Variants in NAE1 observed in about 807,000 individuals in gnomAD.
NAE1 encodes NEDD8-activating enzyme E1 regulatory subunit.
In NAE1, 59 loss-of-function variants were observed where a neutral mutation model predicts 88.0. The ratio of observed to expected loss-of-function variants is 0.67; its 90% confidence interval spans 0.54 to 0.83. NAE1 has a LOEUF of 0.83. Ranked by LOEUF, NAE1 falls within the 40% of genes least tolerant of loss-of-function variation. The probability of loss-of-function intolerance (pLI) is 0.00; values close to 1 mark genes in which losing one functional copy is unlikely to be tolerated. For synonymous variants in NAE1, 186 were observed against 208.9 expected, an observed-to-expected ratio of 0.89 and a Z score of 0.95; for missense variants, 554 against 632.8, an observed-to-expected ratio of 0.88 and a Z score of 1.34.
In NAE1 at chr16:66,823,316, A is replaced by G. The variant is rs1960341571; in HGVS notation, c.322-10T>C. 1 of 1,575,838 alleles carries G rather than the reference A, an allele frequency of 6.3e-7. No homozygotes were observed. Among genetic ancestry groups the G allele is most frequent in the Admixed American group, 1.9e-5 (1 of 51,328 alleles). On this transcript the variant is annotated splice_polypyrimidine_tract_variant and intron_variant, in intron 5 of 19. Transcript: ENST00000290810. Reference sequence around the variant, plus strand: ...GAAGGTTTTCTGGACTCTAAACAGGACAGCAAAGAAAAAAACAAACAAAAA... The same window carrying G: ...GAAGGTTTTCTGGACTCTAAACAGGGCAGCAAAGAAAAAAACAAACAAAAA...
intron 3 of NAE1, 22 bp from the exon 4 acceptor site, chr16:66,824,907 A>G: frequency 5.1e-6 from 8 of 1,583,658 alleles, no homozygotes; most frequent in Non-Finnish European, 6.9e-6. Flanking sequence ...AGAATAAAGG[A>G]AAAAAAAGTA....
At chr16:66,818,693 G>C in intron 7 of NAE1, 56 bp from the exon 8 acceptor site, 1 of 1,527,442 alleles carries the variant, frequency 6.5e-7, no homozygotes, top group Non-Finnish European at 8.7e-7. Context: ...AAAAAAGAGA[G>C]AGATGGGGTC....
chr16:66,827,901 G>T (rs971048640), intron 1 of NAE1: 4 of 1,254,348 alleles, frequency 3.2e-6, no homozygotes, highest in Non-Finnish European at 4.6e-6. Context: ...ATCCAGACTG[G>T]TCTTGAACTC....
At chr16:66,828,119 C>T (rs1960537546) in intron 1 of NAE1, 1 of 1,449,044 alleles carries the variant, frequency 6.9e-7, no homozygotes. Context: ...TTTTCTCCAT[C>T]AAAGTATGGC....
In NAE1 at chr16:66,823,216, T is replaced by C; in HGVS notation, c.401+11A>G. 1 of 1,511,604 alleles carries C rather than the reference T, an allele frequency of 6.6e-7. No homozygotes were observed. Among genetic ancestry groups the C allele is most frequent in the Non-Finnish European group, 9.0e-7 (1 of 1,110,616 alleles). 93.6% of individuals were successfully genotyped at this position (1,511,604 alleles called of 1,614,324 possible). A position where few individuals can be genotyped will look rare whatever the true frequency, so the allele number is the denominator to read the frequency against. On this transcript the variant is annotated intron_variant, in intron 6 of 19. Transcript: ENST00000290810. ...AGATTAAAATAAAAACATATTAACA[T>C]AAAAATTTACCTTTCAGGAAGCTGA...
chr16:66,816,878 A>G lies in NAE1; in HGVS notation c.748+87T>C, dbSNP rs906961797. ...AAGCTCATGATGCTATCATCTGACA[A>G]AGGTGTTAACAGAAATCCAATAAGT... On this transcript the variant is annotated intron_variant, in intron 10 of 19. Coordinates refer to ENST00000290810, the MANE Select transcript of NAE1 (RefSeq NM_003905.4). 2.6e-6 allele frequency: 4 copies of G among 1,532,584 alleles called. No individual in the cohort carries two copies. The African/African-American group carries it at 5.6e-5, about 21-fold the overall frequency. The allele number at this position is 1,532,584 out of a possible 1,614,324, so 94.9% of individuals were successfully genotyped here.
intron 7 of NAE1, among the ~76,000 whole-genome samples, 158 bp downstream of exon 7, chr16:66,821,292 T>C (rs901992785): frequency 4.6e-5 from 7 of 152,230 alleles, no homozygotes; most frequent in Non-Finnish European, 8.8e-5. Context: ...AAAGAGTAGA[T>C]TGCAGCCTAT....
Position 66,823,582 on chromosome 16 carries a change from T to G in NAE1, c.268A>C (p.Met90Leu). The stretch of plus-strand genomic sequence containing the variant: ...CTATTTAATTCTTGTAAGAATTCCA[T>G]GGCAGCTTCAGCTCGGTTCTTTTTA... ...SIGKNRAEAA[M>L]EFLQELNSDV... The change falls in exon 5 of 20, where the codon ATG (methionine) becomes CTG (leucine). Residue 90 changes from methionine (M) to leucine (L), a missense_variant. Coordinates refer to ENST00000290810, the MANE Select transcript of NAE1 (RefSeq NM_003905.4). The G allele has an allele frequency of 6.2e-7, 1 of 1,607,650 alleles. No individual in the cohort carries two copies. Among genetic ancestry groups the G allele is most frequent in the Non-Finnish European group, 8.5e-7 (1 of 1,178,442 alleles).
At chr16:66,816,729 C>G in intron 10 of NAE1, 57 bp from the exon 11 acceptor site, 2 of 1,370,940 alleles carry the variant, frequency 1.5e-6, no homozygotes, top group South Asian at 1.2e-5. Flanking sequence ...CTTCTGTTCC[C>G]CCATTATAAA....
intron 11 of NAE1, among the ~76,000 whole-genome samples, chr16:66,814,536 T>C (rs1248050568): frequency 6.8e-6 from 1 of 146,162 alleles, no homozygotes; most frequent in Non-Finnish European, 1.5e-5. Context: ...AAGGCTGCAG[T>C]GAGCAGTGAT....
chr16:66,828,717 C>T (rs779208825), intron 1 of NAE1, among the ~76,000 whole-genome samples: 44 of 151,658 alleles, frequency 2.9e-4, no homozygotes, highest in Non-Finnish European at 6.2e-4. Flanking sequence ...TGAGGCCAGG[C>T]ACTGTGGCTC....
chr16:66,826,194 AAAC>A (rs1960458261), intron 3 of NAE1: 3 of 284,142 alleles, frequency 1.1e-5, no homozygotes, highest in Non-Finnish European at 6.7e-6. Context: ...AAGACATCAC[AAAC>A]AACAGGCATT....
intron 11 of NAE1, among the ~76,000 whole-genome samples, chr16:66,814,492 CTGA>C (rs1371945677): frequency 6.6e-6 from 1 of 150,858 alleles, no homozygotes; most frequent in African/African-American, 2.4e-5. Context: ...ACTTGGGAGG[CTGA>C]GGTGGGGGGA....
chr16:66,830,747 G>A, intron 1 of NAE1, 100 bp downstream of exon 1: 1 of 1,170,912 alleles, frequency 8.5e-7, no homozygotes, highest in Non-Finnish European at 1.2e-6. Context: ...CCTGGAAGAA[G>A]GCCTGAGGAA....
intron 7 of NAE1, 139 bp from the exon 8 acceptor site, chr16:66,818,776 T>C: frequency 8.5e-7 from 1 of 1,170,086 alleles, no homozygotes; most frequent in Non-Finnish European, 1.1e-6. Flanking sequence ...GCTGAAGGGA[T>C]CCTCCCACCT....
intron 1 of NAE1, among the ~76,000 whole-genome samples, chr16:66,830,518 G>A (rs1417467699): frequency 6.6e-6 from 1 of 152,214 alleles, no homozygotes; most frequent in African/African-American, 2.4e-5. Context: ...CCTCGCGGCC[G>A]GGATGCGGTG....
Position 66,810,276 on chromosome 16 carries a change from G to A in NAE1, c.1150+98C>T, listed in dbSNP as rs1597039351. On this transcript the variant is annotated intron_variant, in intron 15 of 19. Coordinates refer to ENST00000290810, the MANE Select transcript of NAE1 (RefSeq NM_003905.4). ...TCTATATCTATATCACTGAGGCCAT[G>A]GAAAACTTAAAATTTCAACCATTCA... 3 of 1,015,024 alleles carry A rather than the reference G, an allele frequency of 3.0e-6. No individual in the cohort carries two copies. In the South Asian group the frequency reaches 4.1e-5, roughly 14 times the overall value. 62.9% of individuals were successfully genotyped at this position (1,015,024 alleles called of 1,614,324 possible).
At chr16:66,805,660 T>C (rs1959535328) in intron 19 of NAE1, 117 bp downstream of exon 19, 1 of 799,544 alleles carries the variant, frequency 1.3e-6, no homozygotes, top group East Asian at 3.3e-5. Context: ...AAGAAAGAAA[T>C]ATAACATCCT....
chr16:66,830,744 G>T (rs569667159), intron 1 of NAE1, 103 bp downstream of exon 1: 2 of 1,141,452 alleles, frequency 1.8e-6, no homozygotes, highest in Non-Finnish European at 1.2e-6. Flanking sequence ...CAGCCTGGAA[G>T]AAGGCCTGAG....
Sources: allele counts gnomAD v4.1 joint callset (sites outside exome capture counted in the v4.1 genomes callset), GRCh38; gene constraint gnomAD v4.1.1; transcripts MANE v1.5; gene names NCBI Gene and HGNC (gene_info 2026-07-23, HGNC 2026-07-21).